Variants in MAST1 observed in about 807,000 individuals in gnomAD.
MAST1 encodes the protein microtubule-associated serine/threonine-protein kinase 1.
MAST1 carries 40 observed loss-of-function variants against 124.6 expected under a neutral mutation model. The observed-to-expected ratio is 0.32, with a 90% CI of 0.25 to 0.42. The LOEUF (loss-of-function observed/expected upper bound fraction) is 0.42, where lower values mean the gene tolerates loss of function less well. MAST1 is among the 10% of genes least tolerant of loss of function. The pLI is 1.00. For synonymous variants in MAST1, 938 were observed against 939.4 expected, an observed-to-expected ratio of 1.00 and a Z score of 0.03; for missense variants, 1,558 against 2,181.9, an observed-to-expected ratio of 0.71 and a Z score of 5.70.
At chr19:12,867,692 G>T (rs766584077) in intron 19 of MAST1, 38 bp from the exon 20 acceptor site, 6 of 1,539,440 alleles carry the variant, frequency 3.9e-6, no homozygotes, top group South Asian at 1.2e-5. Flanking sequence ...CGGGGTCGAA[G>T]GGGGCGTGTC....
chr19:12,840,724 C>T (rs1969815808), intron 2 of MAST1, among the ~76,000 whole-genome samples, 190 bp downstream of exon 2: 1 of 151,660 alleles, frequency 6.6e-6, no homozygotes, highest in Non-Finnish European at 1.5e-5. Context: ...GGGGCGGAGA[C>T]TCAGGTGGGC....
At chr19:12,858,842 C>T in intron 12 of MAST1, 103 bp downstream of exon 12, 1 of 1,081,234 alleles carries the variant, frequency 9.2e-7, no homozygotes, top group Non-Finnish European at 1.4e-6. Context: ...ATTAGTCGGC[C>T]TGTATGTTTA....
At chr19:12,862,418 A>T (rs544058219) in intron 12 of MAST1, among the ~76,000 whole-genome samples, 1 of 152,236 alleles carries the variant, frequency 6.6e-6, no homozygotes, top group South Asian at 2.1e-4. Context: ...CAGCCTCCAA[A>T]AGTAGCTGAA....
rs750893453 is a variant in MAST1 at position 12,873,485 on chromosome 19, G to A, written c.3425G>A (p.Arg1142His). ...LPARSPTHSY[R>H]STPDSAYLGA... ...GCGCGCTCGCCCACGCACAGCTACC[G>A]CTCCACGCCTGACTCCGCCTACCTA... The change falls in exon 25 of 26, where the codon CGC becomes CAC. Residue 1142 changes from arginine to histidine, a missense_variant. Coordinates refer to ENST00000251472, the MANE Select transcript of MAST1 (RefSeq NM_014975.3). 1 of 1,607,260 alleles carries A rather than the reference G, an allele frequency of 6.2e-7. No individual in the cohort carries two copies. The highest frequency in any genetic ancestry group is 1.1e-5 in the South Asian group (1 of 90,988).
At position 12,847,726 on chromosome 19, in the gene MAST1, G is replaced by T; in HGVS notation, c.564+39G>T. ...CGAGGCGGTCACGGGGTGACCAGGCGGCCTGCACTCTCGCTCGCCTTATCC... is the reference window on the plus strand; with the variant it reads ...CGAGGCGGTCACGGGGTGACCAGGCTGCCTGCACTCTCGCTCGCCTTATCC... On this transcript the variant is annotated intron_variant, in intron 6 of 25. Coordinates refer to ENST00000251472, the MANE Select transcript of MAST1 (RefSeq NM_014975.3). This position sits in a 1 kb window ranked among gnomAD's most constrained non-coding sequence, Gnocchi z 5.5. The T allele has an allele frequency of 1.2e-6, 2 of 1,605,534 alleles. No homozygotes were observed. Among genetic ancestry groups the T allele is most frequent in the Non-Finnish European group, 1.7e-6 (2 of 1,174,318 alleles).
chr19:12,868,628 T>A lies in MAST1; in HGVS notation c.2567-15T>A. ...GCCTTGGACTAATTCCTAACACACT[T>A]GCTTTCTGTTGCAGCTGACCGTCCA... On this transcript the variant is annotated splice_polypyrimidine_tract_variant and intron_variant, in intron 20 of 25. Coordinates refer to ENST00000251472, the MANE Select transcript of MAST1 (RefSeq NM_014975.3). 1 of 1,563,518 alleles carries A rather than the reference T, an allele frequency of 6.4e-7. No homozygotes were observed. Among genetic ancestry groups the A allele is most frequent in the Non-Finnish European group, 8.7e-7 (1 of 1,152,636 alleles).
chr19:12,868,395 C>T (rs1970190041), intron 20 of MAST1, among the ~76,000 whole-genome samples: 1 of 152,028 alleles, frequency 6.6e-6, no homozygotes, highest in African/African-American at 2.4e-5. Flanking sequence ...AGTCGTGAGC[C>T]ACCACACCCA....
At chr19:12,868,605 C>A in intron 20 of MAST1, 38 bp from the exon 21 acceptor site, 1 of 1,519,136 alleles carries the variant, frequency 6.6e-7, no homozygotes, top group Non-Finnish European at 8.9e-7. Flanking sequence ...AATCCCTGGC[C>A]TTGGACTAAT....
chr19:12,840,339 A>T, intron 1 of MAST1, 107 bp from the exon 2 acceptor site: 1 of 736,940 alleles, frequency 1.4e-6, no homozygotes, highest in Non-Finnish European at 2.4e-6. Context: ...CCAAACACAC[A>T]TGGATGGGAG....
chr19:12,859,944 G>A (rs934864375), intron 12 of MAST1, among the ~76,000 whole-genome samples: 8 of 149,472 alleles, frequency 5.4e-5, no homozygotes, highest in East Asian at 2.0e-4. Context: ...TCAAGCAACC[G>A]TCCTGCCTCA....
chr19:12,848,334 A>C, intron 7 of MAST1: 27 of 357,324 alleles, frequency 7.6e-5, no homozygotes, highest in South Asian at 3.1e-4. Context: ...AAAATATTAA[A>C]CTCGGCCGGG....
At position 12,847,946 on chromosome 19, in the gene MAST1, C is replaced by T. The variant is rs369539272; in HGVS notation, c.663C>T (p.His221=). The T allele has an allele frequency of 1.2e-4, 196 of 1,613,982 alleles. 3 individuals are homozygous for T. The South Asian group carries it at 2.0e-3, about 17-fold the overall frequency. ...PLADGVLSFI[H]HQIIELARDC... is the part of the protein sequence containing the mutation. ...CCGATGGCGTGCTCAGCTTCATCCA[C>T]CACCAGATCATCGAGCTGGCCCGGG... is the stretch of plus-strand genomic sequence containing the variant. The change falls in exon 7 of 26, where the codon CAC becomes CAT. Residue 221 remains histidine, a synonymous_variant. Transcript: ENST00000251472. The surrounding 1 kb of genome is among the most constrained non-coding windows in gnomAD (Gnocchi z 5.5).
In MAST1 at chr19:12,841,057, C is replaced by T; in HGVS notation, c.239C>T (p.Ser80Phe). ...ACCCCCGCCCACTTCTCGTTTGCCT[C>T]CTCCCGAAGGTGAGTCCCTCCCCTC... ...PNTPAHFSFA[S>F]SRRADGRRWS... Residue 80 changes from serine (S) to phenylalanine (F), a missense_variant, in exon 3 of 26, where the codon TCC becomes TTC. This residue lies in a region of MAST1 where 57 missense variants were observed against 35.3 expected (regional missense o/e 1.62). Transcript: ENST00000251472. The surrounding 1 kb of genome is among the most constrained non-coding windows in gnomAD (Gnocchi z 4.3). 6.6e-7 allele frequency: 1 copy of T among 1,512,812 alleles called. No homozygotes were observed. Among genetic ancestry groups the T allele is most frequent in the South Asian group, 1.1e-5 (1 of 89,102 alleles). The allele number at this position is 1,512,812 out of a possible 1,614,324, so 93.7% of individuals were successfully genotyped here.
intron 10 of MAST1, among the ~76,000 whole-genome samples, chr19:12,853,493 C>T (rs777384571): frequency 1.7e-4 from 26 of 151,708 alleles, no homozygotes; most frequent in Non-Finnish European, 3.2e-4. Context: ...GAAGTCAAGG[C>T]TTCAGTAAGC....
At chr19:12,840,592 C>A in intron 2 of MAST1, 58 bp downstream of exon 2, 1 of 1,294,084 alleles carries the variant, frequency 7.7e-7, no homozygotes, top group Non-Finnish European at 1.1e-6. Context: ...GGCGGGGCCT[C>A]AGGCGAGGAA....
chr19:12,852,419 C>A, intron 10 of MAST1, 24 bp downstream of exon 10: 1 of 1,597,276 alleles, frequency 6.3e-7, no homozygotes, highest in South Asian at 1.1e-5. Context: ...GCTAAGCGGT[C>A]AGTACCCTGG....
At chr19:12,840,037 G>T (rs998357239) in intron 1 of MAST1, among the ~76,000 whole-genome samples, 2 of 152,254 alleles carry the variant, frequency 1.3e-5, no homozygotes, top group East Asian at 1.9e-4. Flanking sequence ...ATAAACCCAC[G>T]TTGTGTCACA....
rs1289078328 is a variant in MAST1 at position 12,867,726 on chromosome 19, G to A, written c.2319-4G>A. On this transcript the variant is annotated splice_region_variant and splice_polypyrimidine_tract_variant and intron_variant, in intron 19 of 25. Coordinates refer to ENST00000251472, the MANE Select transcript of MAST1 (RefSeq NM_014975.3). Reference sequence around the variant, plus strand: ...TCTTCCATAACCACGCCCCCTCCATGCAGCAAGCGATTCTCCGCGTCCGAG... The same window carrying A: ...TCTTCCATAACCACGCCCCCTCCATACAGCAAGCGATTCTCCGCGTCCGAG... The A allele has an allele frequency of 1.3e-6, 2 of 1,530,804 alleles. No individual in the cohort carries two copies. Among genetic ancestry groups the A allele is most frequent in the African/African-American group, 2.8e-5 (2 of 71,756 alleles). The allele number at this position is 1,530,804 out of a possible 1,614,324, so 94.8% of individuals were successfully genotyped here. A position where few individuals can be genotyped will look rare whatever the true frequency, so the allele number is the denominator to read the frequency against.
In MAST1 at chr19:12,868,636, G is replaced by A; in HGVS notation, c.2567-7G>A. The A allele has an allele frequency of 6.3e-7, 1 of 1,575,060 alleles. No homozygotes were observed. Among genetic ancestry groups the A allele is most frequent in the Non-Finnish European group, 8.6e-7 (1 of 1,158,872 alleles). ...CTAATTCCTAACACACTTGCTTTCT[G>A]TTGCAGCTGACCGTCCACGCCCAGG... On this transcript the variant is annotated splice_polypyrimidine_tract_variant and splice_region_variant and intron_variant, in intron 20 of 25. Transcript: ENST00000251472.
Sources: allele counts gnomAD v4.1 joint callset (sites outside exome capture counted in the v4.1 genomes callset), GRCh38; gene constraint gnomAD v4.1.1; regional missense constraint gnomAD v4.1.1; non-coding constraint Gnocchi (gnomAD v3.1); transcripts MANE v1.5; gene names NCBI Gene and HGNC (gene_info 2026-07-23, HGNC 2026-07-21).